Variants in BNC2 observed in about 807,000 individuals in gnomAD.
BNC2 encodes zinc finger protein basonuclin-2.
In BNC2, 20 loss-of-function variants were observed where a neutral mutation model predicts 76.3. The observed-to-expected ratio is 0.26, with a 90% CI of 0.18 to 0.38. The LOEUF (loss-of-function observed/expected upper bound fraction) is 0.38. Among genes scored for constraint, BNC2 ranks in the 10% least tolerant of loss-of-function variants. BNC2 has a pLI of 1.00. For synonymous variants in BNC2, 582 were observed against 514.8 expected (o/e 1.13, Z -1.77); for missense variants, 1,382 against 1,399.8 (o/e 0.99, Z 0.20).
intron 3 of BNC2, among the ~76,000 whole-genome samples, chr9:16,659,099 T>C (rs1822018831): frequency 6.6e-6 from 1 of 151,562 alleles, no homozygotes; most frequent in South Asian, 2.1e-4. Flanking sequence ...GCTGAATGGC[T>C]GAATGGATGG....
chr9:16,862,142 A>G (rs555818478), intron 1 of BNC2, among the ~76,000 whole-genome samples: 1 of 152,370 alleles, frequency 6.6e-6, no homozygotes, highest in African/African-American at 2.4e-5. Context: ...GATAGGCCAT[A>G]CTATCCAACA....
At chr9:16,672,288 G>C (rs959177003) in intron 3 of BNC2, among the ~76,000 whole-genome samples, 1 of 152,288 alleles carries the variant, frequency 6.6e-6, no homozygotes, top group East Asian at 1.9e-4. Context: ...ACGAGGTCAG[G>C]AGATCCAGAC....
chr9:16,647,385 C>A (rs567784579), intron 3 of BNC2, among the ~76,000 whole-genome samples: 3 of 152,016 alleles, frequency 2.0e-5, no homozygotes, highest in Non-Finnish European at 2.9e-5. Flanking sequence ...AAAAGGGAGA[C>A]CACAGGAAGA....
intron 5 of BNC2, among the ~76,000 whole-genome samples, chr9:16,440,933 A>G (rs1343839235): frequency 1.3e-5 from 2 of 152,232 alleles, no homozygotes; most frequent in Non-Finnish European, 2.9e-5. Flanking sequence ...GATAAACAAC[A>G]AAGCATATTT....
At chr9:16,461,435 A>G (rs1354814851) in intron 5 of BNC2, among the ~76,000 whole-genome samples, 4 of 152,214 alleles carry the variant, frequency 2.6e-5, no homozygotes, top group Admixed American at 6.5e-5. Flanking sequence ...TAAGAGGCAA[A>G]TATCTTTAAA....
chr9:16,548,858 G>A (rs1357133162), intron 5 of BNC2, among the ~76,000 whole-genome samples: 1 of 152,130 alleles, frequency 6.6e-6, no homozygotes, highest in Non-Finnish European at 1.5e-5. Context: ...AAGTACACAG[G>A]AGAATATTGG....
intron 2 of BNC2, among the ~76,000 whole-genome samples, chr9:16,737,329 C>T (rs1411543658): frequency 7.1e-6 from 1 of 141,506 alleles, no homozygotes; most frequent in Non-Finnish European, 1.5e-5. Flanking sequence ...TGGCTTACTG[C>T]AAGCTCCGCC....
intron 6 of BNC2, among the ~76,000 whole-genome samples, chr9:16,426,944 C>A (rs1038650114): frequency 2.0e-5 from 3 of 152,268 alleles, no homozygotes; most frequent in Admixed American, 6.5e-5. Flanking sequence ...TAGCACTGAA[C>A]TTTTTACCCG....
intron 5 of BNC2, among the ~76,000 whole-genome samples, chr9:16,543,366 C>A (rs1386901633): frequency 6.6e-6 from 1 of 152,116 alleles, no homozygotes; most frequent in Admixed American, 6.5e-5. Context: ...ACTTTAAATT[C>A]AACAAGAAGG....
intron 3 of BNC2, among the ~76,000 whole-genome samples, chr9:16,606,706 C>T (rs373059778): frequency 7.2e-5 from 11 of 152,082 alleles, no homozygotes; most frequent in African/African-American, 2.6e-4. Flanking sequence ...TATAGGCTCC[C>T]GCCACCATGC....
chr9:16,541,832 T>C (rs1234690428), intron 5 of BNC2, among the ~76,000 whole-genome samples: 1 of 152,084 alleles, frequency 6.6e-6, no homozygotes, highest in East Asian at 1.9e-4. Context: ...ACCAATATTG[T>C]CACTGATCTG....
intron 1 of BNC2, among the ~76,000 whole-genome samples, chr9:16,740,007 T>A (rs1008589565): frequency 3.9e-5 from 6 of 152,114 alleles, no homozygotes; most frequent in African/African-American, 1.4e-4. Context: ...TACACAGACC[T>A]GAAACAAGAG....
chr9:16,732,030 G>C (rs1012909070), intron 2 of BNC2, among the ~76,000 whole-genome samples: 1 of 151,888 alleles, frequency 6.6e-6, no homozygotes. Flanking sequence ...TCCACCAGCA[G>C]AGTAAAAAAG....
chr9:16,451,929 A>G (rs1047145142), intron 5 of BNC2, among the ~76,000 whole-genome samples: 31 of 152,172 alleles, frequency 2.0e-4, no homozygotes, highest in African/African-American at 7.5e-4. Context: ...ATCTAGTGCC[A>G]TGTTTTGTCT....
chr9:16,813,522 C>T (rs1370431975), intron 1 of BNC2, among the ~76,000 whole-genome samples: 7 of 152,060 alleles, frequency 4.6e-5, no homozygotes, highest in Non-Finnish European at 8.8e-5. Flanking sequence ...ACCTCAGCCT[C>T]CCAAAGTGCC....
chr9:16,688,342 A>C (rs1823039657), intron 3 of BNC2, among the ~76,000 whole-genome samples: 1 of 152,236 alleles, frequency 6.6e-6, no homozygotes, highest in African/African-American at 2.4e-5. Context: ...TAGAAGCCTC[A>C]GAAGTTAGCC....
chr9:16,765,850 G>A lies in BNC2; in HGVS notation c.4-27365C>T, dbSNP rs370854341. 1.4e-4 allele frequency among the ~76,000 whole-genome samples: 21 copies of A among 150,316 alleles called. No individual in the cohort carries two copies. The South Asian group carries it at 1.7e-3, about 12-fold the overall frequency. ...CGCCCAGGCTGGAGTGCAGTGGCAC[G>A]ATCTCGGCTCACTGCAAGCTCTGCC... On this transcript the variant is annotated intron_variant, in intron 1 of 6. Coordinates refer to ENST00000380672, the MANE Select transcript of BNC2 (RefSeq NM_017637.6).
chr9:16,626,807 G>A (rs77721314), intron 3 of BNC2, among the ~76,000 whole-genome samples: 8 of 152,160 alleles, frequency 5.3e-5, no homozygotes, highest in Non-Finnish European at 1.0e-4. Context: ...AGTATGCAGT[G>A]CCATGAGTCA....
intron 3 of BNC2, among the ~76,000 whole-genome samples, chr9:16,715,828 T>C (rs1330303): frequency 0.48 from 72,684 of 152,002 alleles, 20,105 homozygotes; most frequent in Non-Finnish European, 0.64. Context: ...CCTTAAAATG[T>C]CATACTACTC....
Sources: gnomAD v4.1 joint callset for allele counts (sites outside exome capture counted in the v4.1 genomes callset) on GRCh38, gnomAD v4.1.1 for gene constraint, MANE v1.5 for transcripts, NCBI Gene and HGNC (gene_info 2026-07-23, HGNC 2026-07-21) for gene names.